RBBP8: variants seen among roughly 807,000 people sequenced by gnomAD.
The protein encoded by RBBP8 is DNA endonuclease RBBP8.
Under a neutral mutation model 108.3 loss-of-function variants are expected in RBBP8, and 88 were observed. The ratio of observed to expected loss-of-function variants is 0.81; its 90% confidence interval spans 0.68 to 0.97. The LOEUF is 0.97. RBBP8 is among the 50% of genes least tolerant of loss of function. The pLI is 0.00. For synonymous variants in RBBP8, 332 were observed against 348.2 expected (o/e 0.95, Z 0.52); for missense variants, 1,023 against 1,049.0 (o/e 0.98, Z 0.34).
At chr18:23,017,622 C>G (rs1004416749) in intron 17 of RBBP8, among the ~76,000 whole-genome samples, 11 of 151,204 alleles carry the variant, frequency 7.3e-5, no homozygotes, top group Admixed American at 7.3e-4. Flanking sequence ...CCACTGCACT[C>G]CAGCCTGGGC....
At chr18:22,988,305 A>G (rs1244504583) in intron 8 of RBBP8, among the ~76,000 whole-genome samples, 1 of 152,188 alleles carries the variant, frequency 6.6e-6, no homozygotes, top group Non-Finnish European at 1.5e-5. Context: ...TACAGGATAA[A>G]TTTGAAACTC....
chr18:22,977,486 C>G (rs956677664), intron 6 of RBBP8, among the ~76,000 whole-genome samples: 6 of 151,918 alleles, frequency 3.9e-5, no homozygotes, highest in Non-Finnish European at 7.4e-5. Context: ...GTGTATAAAG[C>G]TAGGTATTGA....
intron 17 of RBBP8, among the ~76,000 whole-genome samples, chr18:23,017,923 T>C (rs1231346637): frequency 6.6e-6 from 1 of 151,454 alleles, no homozygotes; most frequent in Non-Finnish European, 1.5e-5. Context: ...ATTTTTGTAT[T>C]TTTAGTAGAG....
At chr18:22,919,394 TG>T (rs1449103918) in intron 3 of RBBP8, among the ~76,000 whole-genome samples, 1 of 152,244 alleles carries the variant, frequency 6.6e-6, no homozygotes, top group Non-Finnish European at 1.5e-5. Context: ...TCCTGAAAGA[TG>T]TTTAATCGCT....
At chr18:23,014,545 G>A (rs113617689) in intron 16 of RBBP8, among the ~76,000 whole-genome samples, 1 of 152,088 alleles carries the variant, frequency 6.6e-6, no homozygotes, top group African/African-American at 2.4e-5. Context: ...GAGGCAGGGG[G>A]ATTACTTGAG....
At chr18:23,006,540 C>A in intron 16 of RBBP8, 108 bp downstream of exon 16, 2 of 988,810 alleles carry the variant, frequency 2.0e-6, no homozygotes, top group Non-Finnish European at 3.1e-6. Flanking sequence ...CTTGCTCTGT[C>A]ACCCAGGCTA....
intron 16 of RBBP8, among the ~76,000 whole-genome samples, chr18:23,012,936 T>C (rs751065162): frequency 6.6e-6 from 1 of 152,170 alleles, no homozygotes; most frequent in African/African-American, 2.4e-5. Context: ...CATTTACCAT[T>C]CTGAAAATCC....
At chr18:22,976,598 A>C (rs970326525) in intron 6 of RBBP8, among the ~76,000 whole-genome samples, 1 of 152,122 alleles carries the variant, frequency 6.6e-6, no homozygotes, top group African/African-American at 2.4e-5. Context: ...TTATGTAATT[A>C]TGTATATATG....
rs569980277 is a variant in RBBP8, at chr18:22,936,899, A to C, written c.48A>C (p.Thr16=). The C allele has an allele frequency of 1.2e-5, 19 of 1,614,196 alleles. No individual in the cohort carries two copies. The highest frequency in any genetic ancestry group is 1.6e-5 in the Non-Finnish European group (19 of 1,180,030). Reference sequence around the variant, plus strand: ...GTGGAAGCCCTAACTCTGCAGATACATCTAGTGACTTTAAGGACCTTTGGA... The same window carrying C: ...GTGGAAGCCCTAACTCTGCAGATACCTCTAGTGACTTTAAGGACCTTTGGA... The part of the protein sequence containing the change: ...SSCGSPNSAD[T]SSDFKDLWTK... Residue 16 remains threonine (T), a synonymous_variant, in exon 2 of 19, where the codon ACA becomes ACC. Transcript: ENST00000327155.
intron 12 of RBBP8, among the ~76,000 whole-genome samples, chr18:22,995,213 T>G (rs1804572690): frequency 6.6e-6 from 1 of 152,102 alleles, no homozygotes; most frequent in South Asian, 2.1e-4. Flanking sequence ...ATGAAAACAT[T>G]TTTTTCACTA....
At chr18:23,018,309 G>A (rs1470075847) in intron 17 of RBBP8, among the ~76,000 whole-genome samples, 1 of 152,168 alleles carries the variant, frequency 6.6e-6, no homozygotes, top group East Asian at 1.9e-4. Context: ...TGCCCACCTT[G>A]GCCTCCCAAA....
intron 12 of RBBP8, among the ~76,000 whole-genome samples, chr18:22,994,482 AAC>A (rs1668209870): frequency 6.7e-6 from 1 of 148,882 alleles, no homozygotes; most frequent in Non-Finnish European, 1.5e-5. Context: ...CTCTACTAAA[AAC>A]ACAAAAAATA....
intron 2 of RBBP8, 173 bp from the exon 3 acceptor site, chr18:22,946,271 A>C (rs1598646325): frequency 1.4e-6 from 1 of 700,992 alleles, no homozygotes; most frequent in Admixed American, 3.2e-5. Flanking sequence ...GACTAAAAGC[A>C]ATACATTGCA....
rs1411070151 is a variant in RBBP8, at chr18:22,936,847, G to A, written c.-5G>A. 6.2e-7 allele frequency: 1 copy of A among 1,613,908 alleles called. No individual in the cohort carries two copies. Among genetic ancestry groups the A allele is most frequent in the African/African-American group, 1.3e-5 (1 of 74,930 alleles). On this transcript the variant is annotated 5_prime_UTR_variant, in exon 2 of 19. Transcript: ENST00000327155. Reference sequence around the variant, plus strand: ...CAAGTAGAAGTGTGGAGCATATTAAGCAAGATGAACATCTCGGGAAGCAGC... The same window carrying A: ...CAAGTAGAAGTGTGGAGCATATTAAACAAGATGAACATCTCGGGAAGCAGC...
rs145698702 is a variant in RBBP8 at position 23,018,378 on chromosome 18, T to C, written c.2454+1454T>C. On this transcript the variant is annotated intron_variant, in intron 17 of 18. Transcript: ENST00000327155. ...AACATTTTTCTTCCTAAACAAGATA[T>C]AATGAATAAATACTTAAACACTTAT... is the stretch of plus-strand genomic sequence containing the variant. 2.5e-3 allele frequency among the ~76,000 whole-genome samples: 384 copies of C among 152,312 alleles called. 2 individuals are homozygous for C. Among genetic ancestry groups the C allele is most frequent in the Middle Eastern group, 0.017 (5 of 294 alleles).
In RBBP8 at chr18:23,006,411, C is replaced by T. The variant is rs144863982; in HGVS notation, c.2336C>T (p.Pro779Leu). ...DKVKQKAFVE[P>L]YFKGDERETS... ...GTCAAGCAGAAAGCGTTTGTGGAGC[C>T]GTATTTTAAAGGTGATGAAAGGTAA... The change falls in exon 16 of 19, where the codon CCG becomes CTG. Residue 779 changes from proline to leucine, a missense_variant. Coordinates refer to ENST00000327155, the MANE Select transcript of RBBP8 (RefSeq NM_002894.3). 3.7e-5 allele frequency: 60 copies of T among 1,613,190 alleles called. No individual in the cohort carries two copies. The highest frequency in any genetic ancestry group is 3.1e-4 in the African/African-American group (23 of 74,884).
intron 17 of RBBP8, among the ~76,000 whole-genome samples, chr18:23,019,598 C>T (rs2046314664): frequency 6.6e-6 from 1 of 152,096 alleles, no homozygotes; most frequent in African/African-American, 2.4e-5. Flanking sequence ...TGCTGAGTCT[C>T]CTATATGTCC....
At chr18:22,938,500 G>A in intron 2 of RBBP8, among the ~76,000 whole-genome samples, 1 of 152,024 alleles carries the variant, frequency 6.6e-6, no homozygotes, top group East Asian at 1.9e-4. Flanking sequence ...CATTTTTAGA[G>A]GACATTTACA....
In RBBP8 at chr18:23,022,221, G is replaced by T. The variant is rs777818984; in HGVS notation, c.2547G>T (p.Glu849Asp). Residue 849 changes from glutamate (E) to aspartate (D), a missense_variant, in exon 18 of 19, where the codon GAG (glutamate) becomes GAT (aspartate). Transcript: ENST00000327155. ...RFRYIPPNTP[E>D]NFWEVGFPST... Reference sequence around the variant, plus strand: ...GCTACATTCCACCCAACACACCAGAGAATTTTTGGGAAGTTGGTTTTCCTT... The same window carrying T: ...GCTACATTCCACCCAACACACCAGATAATTTTTGGGAAGTTGGTTTTCCTT... The T allele has an allele frequency of 3.1e-6, 5 of 1,612,638 alleles. No homozygotes were observed. In the African/African-American group the frequency reaches 6.7e-5, roughly 22 times the overall value.
Sources: gnomAD v4.1 joint callset for allele counts (sites outside exome capture counted in the v4.1 genomes callset) on GRCh38, gnomAD v4.1.1 for gene constraint, MANE v1.5 for transcripts, NCBI Gene and HGNC (gene_info 2026-07-23, HGNC 2026-07-21) for gene names.